Variants in CAMKMT observed in about 807,000 individuals in gnomAD.
CAMKMT encodes CaM KMT.
In CAMKMT, 53 loss-of-function variants were observed where a neutral mutation model predicts 48.0. The observed-to-expected ratio is 1.10, with a 90% CI of 0.89 to 1.39. The LOEUF is 1.39. CAMKMT is among the 40% of genes most tolerant of loss of function. The pLI is 0.00. For synonymous variants in CAMKMT, 165 were observed against 152.3 expected (o/e 1.08, Z -0.61); for missense variants, 428 against 402.7 (o/e 1.06, Z -0.54).
intron 3 of CAMKMT, among the ~76,000 whole-genome samples, chr2:44,537,814 TG>T (rs1186705253): frequency 2.0e-5 from 3 of 152,170 alleles, no homozygotes; most frequent in Non-Finnish European, 4.4e-5. Context: ...TCTCCTGCCT[TG>T]GTCTCCCAAA....
intron 3 of CAMKMT, among the ~76,000 whole-genome samples, chr2:44,534,745 T>C (rs544063521): frequency 8.0e-4 from 122 of 152,138 alleles, no homozygotes; most frequent in Non-Finnish European, 1.6e-3. Flanking sequence ...AAGAGAAGTT[T>C]ATAGCATTCA....
chr2:44,608,229 C>T (rs554377133), intron 3 of CAMKMT, among the ~76,000 whole-genome samples: 47 of 151,962 alleles, frequency 3.1e-4, no homozygotes, highest in Non-Finnish European at 5.7e-4. Flanking sequence ...CCCACCACCG[C>T]GCCTGGCTAA....
At chr2:44,700,750 T>TA (rs1478159626) in intron 3 of CAMKMT, among the ~76,000 whole-genome samples, 1 of 152,138 alleles carries the variant, frequency 6.6e-6, no homozygotes, top group Admixed American at 6.5e-5. Context: ...AATTTTGAAA[T>TA]ATTGTGAGAA....
Position 44,657,532 on chromosome 2 carries a change from T to C in CAMKMT, c.377-46751T>C, listed in dbSNP as rs72867783. Among the ~76,000 whole-genome samples, 3,611 of 152,286 alleles carry C rather than the reference T, an allele frequency of 0.024. 101 individuals are homozygous for C. The highest frequency in any genetic ancestry group is 0.077 in the African/African-American group (3,182 of 41,544). ...CTTCCATGCTTTATGGTATGTAAGT[T>C]TGGAATTAAACTAAGTCTTCAAGTT... On this transcript the variant is annotated intron_variant, in intron 3 of 10. Coordinates refer to ENST00000378494, the MANE Select transcript of CAMKMT (RefSeq NM_024766.5). The surrounding 1 kb of genome is among the most constrained non-coding windows in gnomAD (Gnocchi z 4.3).
At chr2:44,475,756 A>G (rs909051297) in intron 3 of CAMKMT, among the ~76,000 whole-genome samples, 4 of 152,204 alleles carry the variant, frequency 2.6e-5, no homozygotes, top group African/African-American at 9.6e-5. Flanking sequence ...TTAAAAAAGA[A>G]ATCTTATGCA....
intron 9 of CAMKMT, among the ~76,000 whole-genome samples, chr2:44,764,942 G>A (rs890939230): frequency 3.3e-5 from 5 of 152,158 alleles, no homozygotes; most frequent in Non-Finnish European, 7.3e-5. Context: ...CTAAAGGAGG[G>A]TTGGGCACGG....
At chr2:44,630,952 G>A (rs1425391329) in intron 3 of CAMKMT, among the ~76,000 whole-genome samples, 4 of 151,836 alleles carry the variant, frequency 2.6e-5, no homozygotes, top group East Asian at 1.9e-4. Context: ...GCACACGTAT[G>A]TTTATTGCGG....
chr2:44,453,373 C>T (rs1346377105), intron 3 of CAMKMT, among the ~76,000 whole-genome samples: 1 of 151,998 alleles, frequency 6.6e-6, no homozygotes, highest in African/African-American at 2.4e-5. Context: ...TTCAAGTGAA[C>T]CATCTCATTT....
intron 8 of CAMKMT, among the ~76,000 whole-genome samples, chr2:44,751,094 A>G (rs1680133932): frequency 6.6e-6 from 1 of 152,086 alleles, no homozygotes; most frequent in African/African-American, 2.4e-5. Flanking sequence ...AGAGGACAAC[A>G]ATGAAATGCA....
At chr2:44,650,876 A>G (rs1235796207) in intron 3 of CAMKMT, among the ~76,000 whole-genome samples, 1 of 152,058 alleles carries the variant, frequency 6.6e-6, no homozygotes, top group African/African-American at 2.4e-5. Context: ...GTGGGAAATG[A>G]CAGACTGGAA....
chr2:44,628,401 T>C (rs931721662), intron 3 of CAMKMT, among the ~76,000 whole-genome samples: 1 of 152,160 alleles, frequency 6.6e-6, no homozygotes, highest in Non-Finnish European at 1.5e-5. Flanking sequence ...TTTCTCCTTT[T>C]ATCTTTTCAG....
chr2:44,600,002 G>T (rs1345572440), intron 3 of CAMKMT, among the ~76,000 whole-genome samples: 5 of 152,028 alleles, frequency 3.3e-5, no homozygotes, highest in Admixed American at 1.3e-4. Context: ...AATAAAAGTT[G>T]TGGAAACTTT....
At chr2:44,502,108 C>A (rs1670035670) in intron 3 of CAMKMT, among the ~76,000 whole-genome samples, 2 of 151,972 alleles carry the variant, frequency 1.3e-5, no homozygotes, top group Admixed American at 6.6e-5. Context: ...GTAATCCCAA[C>A]TACTCAGGAG....
chr2:44,760,109 A>ACAT (rs1294882331), intron 9 of CAMKMT, among the ~76,000 whole-genome samples: 1 of 152,184 alleles, frequency 6.6e-6, no homozygotes, highest in Non-Finnish European at 1.5e-5. Context: ...TTAGCAGGAC[A>ACAT]GATGAACACA....
intron 3 of CAMKMT, among the ~76,000 whole-genome samples, chr2:44,422,687 C>A (rs1260317542): frequency 6.6e-6 from 1 of 151,916 alleles, no homozygotes. Flanking sequence ...TTAGTTGGAA[C>A]ATAAATTTCT....
chr2:44,363,669 C>T (rs1678251155), intron 1 of CAMKMT, among the ~76,000 whole-genome samples: 2 of 150,760 alleles, frequency 1.3e-5, no homozygotes, highest in Admixed American at 6.6e-5. Flanking sequence ...CATGAGCCAC[C>T]GTGCCCGGCA....
intron 3 of CAMKMT, among the ~76,000 whole-genome samples, chr2:44,582,444 G>A (rs1184563740): frequency 6.6e-6 from 1 of 152,172 alleles, no homozygotes; most frequent in Non-Finnish European, 1.5e-5. Context: ...GCACTCAGTT[G>A]TGCCTGGTAA....
intron 2 of CAMKMT, among the ~76,000 whole-genome samples, chr2:44,385,162 G>A (rs982919026): frequency 6.6e-6 from 1 of 151,766 alleles, no homozygotes; most frequent in Non-Finnish European, 1.5e-5. Context: ...TCTTTCAGCT[G>A]TGTTTTGTAG....
intron 3 of CAMKMT, among the ~76,000 whole-genome samples, chr2:44,502,814 T>C (rs1221359741): frequency 6.6e-6 from 1 of 152,156 alleles, no homozygotes; most frequent in Non-Finnish European, 1.5e-5. Flanking sequence ...ATAATTATTA[T>C]CCATAATAAA....
Sources: gnomAD v4.1 joint callset for allele counts (sites outside exome capture counted in the v4.1 genomes callset) on GRCh38, gnomAD v4.1.1 for gene constraint, Gnocchi (gnomAD v3.1) non-coding constraint, MANE v1.5 for transcripts, NCBI Gene and HGNC (gene_info 2026-07-23, HGNC 2026-07-21) for gene names.